Variants in PRDM15 observed in about 807,000 individuals in gnomAD.
The protein encoded by PRDM15 is PR/SET domain 15, also known as PR domain zinc finger protein 15.
PRDM15 carries 64 observed loss-of-function variants against 128.6 expected under a neutral mutation model. The observed-to-expected ratio is 0.50, with a 90% confidence interval of 0.41 to 0.61. The LOEUF (loss-of-function observed/expected upper bound fraction) is 0.61. Ranked by LOEUF, PRDM15 falls within the 20% of genes least tolerant of loss-of-function variation. The pLI is 0.00. For missense variants in PRDM15, 1,242 were observed against 1,569.1 expected (o/e 0.79, Z 3.52); for synonymous variants, 615 against 621.8 (o/e 0.99, Z 0.16).
intron 11 of PRDM15, among the ~76,000 whole-genome samples, chr21:41,830,934 C>A (rs970953637): frequency 6.6e-6 from 1 of 152,040 alleles, no homozygotes; most frequent in Non-Finnish European, 1.5e-5. Context: ...GCAGCAGCAG[C>A]CCCAGGTCCC....
rs371665577 is a variant in PRDM15 at position 41,838,070 on chromosome 21, G to A, written c.872-7C>T. On this transcript the variant is annotated splice_region_variant and splice_polypyrimidine_tract_variant and intron_variant, in intron 7 of 23. Transcript: ENST00000398548. ...ATGATCTCTGCCACTTGCTCTGTAC[G>A]AAGGGGATGTGACAAGCTAAGTAAC... 8 of 1,613,510 alleles carry A rather than the reference G, an allele frequency of 5.0e-6. No individual in the cohort carries two copies. Among genetic ancestry groups the A allele is most frequent in the East Asian group, 2.2e-5 (1 of 44,876 alleles).
chr21:41,836,330 G>C, intron 9 of PRDM15, 123 bp from the exon 10 acceptor site: 1 of 1,269,310 alleles, frequency 7.9e-7, no homozygotes, highest in East Asian at 2.4e-5. Context: ...CTGCAGAGAT[G>C]ATCGCCCACA....
intron 5 of PRDM15, among the ~76,000 whole-genome samples, chr21:41,853,542 A>G (rs573723663): frequency 6.6e-6 from 1 of 152,302 alleles, no homozygotes; most frequent in East Asian, 1.9e-4. Context: ...AATACCAGGA[A>G]TTTCATAGAG....
At position 41,847,258 on chromosome 21, in the gene PRDM15, C is replaced by T. The variant is rs73906103; in HGVS notation, c.539-67G>A. 1.2e-3 allele frequency: 1,341 copies of T among 1,149,314 alleles called. 16 individuals are homozygous for T. In the African/African-American group the frequency reaches 0.018, roughly 15 times the overall value. 71.2% of individuals were successfully genotyped at this position (1,149,314 alleles called of 1,614,324 possible). A position where few individuals can be genotyped will look rare whatever the true frequency, so the allele number is the denominator to read the frequency against. Reference sequence around the variant, plus strand: ...GCTCATATGTCTCCATGAATCCCGGCGCAGCGGAGGAGGGGTGTGTGCTGA... The same window carrying T: ...GCTCATATGTCTCCATGAATCCCGGTGCAGCGGAGGAGGGGTGTGTGCTGA... On this transcript the variant is annotated intron_variant, in intron 5 of 23. Coordinates refer to ENST00000398548, the MANE Select transcript of PRDM15 (RefSeq NM_001040424.3).
Position 41,820,078 on chromosome 21 carries a change from T to G in PRDM15, c.2140+17A>C, listed in dbSNP as rs768818078. ...CTCCAGCGAGGGCCGGGACCCCAAA[T>G]GCTGACAGACACGCACCTGTGTGGA... On this transcript the variant is annotated intron_variant, in intron 17 of 23. Coordinates refer to ENST00000398548, the MANE Select transcript of PRDM15 (RefSeq NM_001040424.3). 2 of 1,611,812 alleles carry G rather than the reference T, an allele frequency of 1.2e-6. No individual in the cohort carries two copies.
At chr21:41,804,385 A>G in intron 22 of PRDM15, 149 bp downstream of exon 22, 1 of 629,786 alleles carries the variant, frequency 1.6e-6, no homozygotes, top group Middle Eastern at 3.8e-4. Context: ...AGAGGTTCTG[A>G]GGGGAAGAGA....
chr21:41,853,813 A>T (rs1478616421), intron 5 of PRDM15, among the ~76,000 whole-genome samples: 2 of 152,148 alleles, frequency 1.3e-5, no homozygotes, highest in Admixed American at 6.5e-5. Flanking sequence ...ACTGCCCCCA[A>T]ATCTGGGAGG....
At chr21:41,836,043 T>C in intron 10 of PRDM15, 70 bp downstream of exon 10, 1 of 841,958 alleles carries the variant, frequency 1.2e-6, no homozygotes, top group Non-Finnish European at 1.8e-6. Flanking sequence ...CATTACAACA[T>C]GGTGATTTGG....
rs1245038865 is a variant in PRDM15 at position 41,825,519 on chromosome 21, A to G, written c.1629+441T>C. On this transcript the variant is annotated intron_variant, in intron 13 of 23. Transcript: ENST00000398548. Reference sequence around the variant, plus strand: ...GGGAGCACCTGCCATGGGATCGGCCATGCTCTAACTTACAGAACGCCAGCC... The same window carrying G: ...GGGAGCACCTGCCATGGGATCGGCCGTGCTCTAACTTACAGAACGCCAGCC... Among the ~76,000 whole-genome samples the G allele has an allele frequency of 5.3e-5, 8 of 152,236 alleles. No individual in the cohort carries two copies. The East Asian group carries it at 1.5e-3, about 29-fold the overall frequency.
intron 14 of PRDM15, 98 bp downstream of exon 14, chr21:41,823,220 G>A: frequency 1.4e-6 from 2 of 1,467,456 alleles, no homozygotes; most frequent in East Asian, 4.9e-5. Context: ...CCCAGAAGCT[G>A]CCCTGCCCAC....
At chr21:41,866,603 C>T (rs980845712) in intron 1 of PRDM15, among the ~76,000 whole-genome samples, 6 of 152,264 alleles carry the variant, frequency 3.9e-5, no homozygotes, top group African/African-American at 1.2e-4. Flanking sequence ...AGAAATCTTG[C>T]AAGCCAACAA....
In PRDM15 at chr21:41,839,660, C is replaced by T. The variant is rs563805384; in HGVS notation, c.834G>A (p.Glu278=). Reference sequence around the variant, plus strand: ...TGTCTTCCACGATGACTAGAGGCTGCTCAGCTTTGGACACTTTGGGTTTTC... The same window carrying T: ...TGTCTTCCACGATGACTAGAGGCTGTTCAGCTTTGGACACTTTGGGTTTTC... The part of the protein sequence containing the change: ...RGRKPKVSKA[E]QPLVIVEDKE... Residue 278 remains glutamate (E), a synonymous_variant, in exon 7 of 24, where the codon GAG becomes GAA. Transcript: ENST00000398548. The T allele has an allele frequency of 1.2e-6, 2 of 1,614,252 alleles. No individual in the cohort carries two copies. The highest frequency in any genetic ancestry group is 1.7e-5 in the Admixed American group (1 of 60,028).
intron 1 of PRDM15, chr21:41,878,906 C>T: frequency 1.0e-6 from 1 of 953,468 alleles, no homozygotes; most frequent in Non-Finnish European, 1.2e-6. Context: ...CCCCGCGGCC[C>T]CGCGCTGGGC....
intron 5 of PRDM15, among the ~76,000 whole-genome samples, chr21:41,850,380 C>T (rs920293240): frequency 2.6e-5 from 4 of 151,166 alleles, no homozygotes; most frequent in African/African-American, 9.7e-5. Flanking sequence ...GCTGCCCCCT[C>T]CATCTGTCAG....
chr21:41,829,660 A>G (rs1203919015), intron 11 of PRDM15, among the ~76,000 whole-genome samples: 1 of 151,556 alleles, frequency 6.6e-6, no homozygotes, highest in African/African-American at 2.4e-5. Flanking sequence ...CATTCAACAC[A>G]TACCACACAT....
rs542791518 is a variant in PRDM15 at position 41,859,328 on chromosome 21, A to G, written c.131+264T>C. On this transcript the variant is annotated intron_variant, in intron 3 of 23. Coordinates refer to ENST00000398548, the MANE Select transcript of PRDM15 (RefSeq NM_001040424.3). This position sits in a 1 kb window ranked among gnomAD's most constrained non-coding sequence, Gnocchi z 5.3. Reference sequence around the variant, plus strand: ...AAGTCCACTCTTCTGCAGCCTCCACACACTGTGTCGGGAACAGCTGGGCTC... The same window carrying G: ...AAGTCCACTCTTCTGCAGCCTCCACGCACTGTGTCGGGAACAGCTGGGCTC... The G allele has an allele frequency of 9.0e-7, 1 of 1,116,720 alleles. No individual in the cohort carries two copies. The highest frequency in any genetic ancestry group is 1.4e-5 in the South Asian group (1 of 69,506). The allele number at this position is 1,116,720 out of a possible 1,614,324, so 69.2% of individuals were successfully genotyped here. A position where few individuals can be genotyped will look rare whatever the true frequency, so the allele number is the denominator to read the frequency against.
intron 1 of PRDM15, among the ~76,000 whole-genome samples, chr21:41,878,263 G>A (rs1231676204): frequency 6.6e-6 from 1 of 152,210 alleles, no homozygotes; most frequent in Non-Finnish European, 1.5e-5. Context: ...TACACACACA[G>A]GTCCACGTGT....
chr21:41,833,967 C>T (rs900558663), intron 11 of PRDM15, among the ~76,000 whole-genome samples: 4 of 152,164 alleles, frequency 2.6e-5, no homozygotes, highest in Non-Finnish European at 5.9e-5. Context: ...AGGGGAGGTT[C>T]GCAAACAAGA....
At chr21:41,829,995 A>G (rs1184533462) in intron 11 of PRDM15, among the ~76,000 whole-genome samples, 6 of 151,700 alleles carry the variant, frequency 4.0e-5, no homozygotes, top group African/African-American at 1.2e-4. Context: ...CACTCAACAC[A>G]TACTACACAA....
Sources: allele counts gnomAD v4.1 joint callset (sites outside exome capture counted in the v4.1 genomes callset), GRCh38; gene constraint gnomAD v4.1.1; non-coding constraint Gnocchi (gnomAD v3.1); transcripts MANE v1.5; gene names NCBI Gene and HGNC (gene_info 2026-07-23, HGNC 2026-07-21).